The following IGSF10 variants were observed in gnomAD, a reference collection of about 807,000 sequenced individuals.
IGSF10 encodes the protein immunoglobulin superfamily member 10.
In IGSF10, 126 loss-of-function variants were observed where a neutral mutation model predicts 128.2. The ratio of observed to expected loss-of-function variants is 0.98; its 90% CI spans 0.85 to 1.14. IGSF10 has a LOEUF of 1.14. IGSF10 is among the 50% of genes most tolerant of loss of function. The probability of loss-of-function intolerance (pLI) is 0.00; values close to 1 mark genes in which losing one functional copy is unlikely to be tolerated. For synonymous variants in IGSF10, 1,185 were observed against 1,146.2 expected, an observed-to-expected ratio of 1.03 and a Z score of -0.68; for missense variants, 3,295 against 3,149.8, an observed-to-expected ratio of 1.05 and a Z score of -1.10.
chr3:151,443,734 A>C lies in IGSF10; in HGVS notation c.5213T>G (p.Leu1738Trp). 6.2e-7 allele frequency: 1 copy of C among 1,614,168 alleles called. No homozygotes were observed. The change falls in exon 7 of 8, where the codon TTG (leucine) becomes TGG (tryptophan). Residue 1738 changes from leucine (L) to tryptophan (W), a missense_variant. Physicochemically the swap from Leu to Trp is moderately conservative, Grantham distance 61. Coordinates refer to ENST00000282466, the MANE Select transcript of IGSF10 (RefSeq NM_178822.5). ...CCTGGGAGGATAGGAAACCACAGAC[A>C]AGGTGACATGAAGGTGGTCTGTGCC... ...LFGTDHLHVT[L>W]SVVSYPPRIL...
the IGSF10 span, among the ~76,000 whole-genome samples, chr3:151,612,744 T>G: frequency 1.3e-5 from 2 of 152,162 alleles, no homozygotes; most frequent in Non-Finnish European, 2.9e-5. Context: ...AGACCAAAAA[T>G]TCTCAATGAG....
chr3:151,446,273 A>G lies in IGSF10; in HGVS notation c.3708T>C (p.Pro1236=). The change falls in exon 6 of 8, where the codon CCT becomes CCC. Residue 1236 remains proline, a synonymous_variant. Coordinates refer to ENST00000282466, the MANE Select transcript of IGSF10 (RefSeq NM_178822.5). The part of the protein sequence containing the change: ...SLQKSTAVML[P]KTSPALPRDK... ...CTCTGGGTAAAGCAGGAGATGTTTT[A>G]GGAAGCATCACAGCTGTGCTTTTTT... 6.2e-7 allele frequency: 1 copy of G among 1,614,080 alleles called. No individual in the cohort carries two copies. The highest frequency in any genetic ancestry group is 1.1e-5 in the South Asian group (1 of 91,084).
chr3:151,619,005 A>T, the IGSF10 span, among the ~76,000 whole-genome samples: 2 of 151,548 alleles, frequency 1.3e-5, no homozygotes, highest in Admixed American at 1.3e-4. Flanking sequence ...ATAGTAAGAA[A>T]CTATAAATAA....
the IGSF10 span, among the ~76,000 whole-genome samples, chr3:151,548,934 C>A: frequency 6.6e-6 from 1 of 151,780 alleles, no homozygotes; most frequent in African/African-American, 2.4e-5. Context: ...TTATTAAGGG[C>A]ATTTTGTTCT....
chr3:151,527,478 T>C, the IGSF10 span, among the ~76,000 whole-genome samples: 1 of 152,234 alleles, frequency 6.6e-6, no homozygotes, highest in African/African-American at 2.4e-5. Flanking sequence ...CCATAAATAC[T>C]TTTTGACTTA....
the IGSF10 span, among the ~76,000 whole-genome samples, chr3:151,592,221 T>TACACACACACACAC: frequency 6.7e-6 from 1 of 150,338 alleles, no homozygotes; most frequent in African/African-American, 2.5e-5. Context: ...TTGAGATTAA[T>TACACACACACACAC]ACACACACAC....
chr3:151,509,500 G>C, the IGSF10 span, among the ~76,000 whole-genome samples: 3,503 of 152,300 alleles, frequency 0.023, 98 homozygotes, highest in East Asian at 0.063. Context: ...TGGGGGTAGA[G>C]CCAAGATGGC....
At chr3:151,522,578 A>G in the IGSF10 span, among the ~76,000 whole-genome samples, 3 of 152,276 alleles carry the variant, frequency 2.0e-5, no homozygotes, top group South Asian at 6.2e-4. Flanking sequence ...AAACAGAACT[A>G]AAAGTAAAAA....
At chr3:151,554,650 A>G in the IGSF10 span, among the ~76,000 whole-genome samples, 29 of 152,118 alleles carry the variant, frequency 1.9e-4, no homozygotes, top group Admixed American at 1.7e-3. Flanking sequence ...GATGTTCCAT[A>G]TTTTGTCAGA....
the IGSF10 span, among the ~76,000 whole-genome samples, chr3:151,589,606 TGAGGAAGCAGAGTG>T: frequency 2.0e-5 from 3 of 152,214 alleles, no homozygotes; most frequent in Admixed American, 1.3e-4. Flanking sequence ...GTCTGCGACT[TGAGGAAGCAGAGTG>T]TGCTCTCTTA....
At chr3:151,528,810 T>C in the IGSF10 span, among the ~76,000 whole-genome samples, 1 of 152,066 alleles carries the variant, frequency 6.6e-6, no homozygotes, top group East Asian at 1.9e-4. Context: ...GTTTTTTTTT[T>C]TTTTTTTCAT....
chr3:151,582,307 G>GGGA, the IGSF10 span, among the ~76,000 whole-genome samples: 1 of 63,378 alleles, frequency 1.6e-5, no homozygotes, highest in Non-Finnish European at 2.9e-5. Context: ...GGGGGGGCGG[G>GGGA]AAGCACAAAT....
chr3:151,478,475 T>G, the IGSF10 span, among the ~76,000 whole-genome samples: 1 of 152,232 alleles, frequency 6.6e-6, no homozygotes, highest in Non-Finnish European at 1.5e-5. Flanking sequence ...TTGTGTAATT[T>G]GGAGTTTCTT....
the IGSF10 span, among the ~76,000 whole-genome samples, chr3:151,601,584 G>T: frequency 6.6e-6 from 1 of 152,266 alleles, no homozygotes; most frequent in East Asian, 1.9e-4. Context: ...TTTACTTGGG[G>T]CCTGTGTTCT....
At chr3:151,434,709 A>G (rs940317783), downstream of IGSF10, 1 of 152,214 alleles carries the variant, frequency 6.6e-6, no homozygotes, top group Non-Finnish European at 1.5e-5. Context: ...TTCCATCATT[A>G]TTTCTTTCCA....
chr3:151,607,571 T>C, the IGSF10 span, among the ~76,000 whole-genome samples: 9 of 152,192 alleles, frequency 5.9e-5, no homozygotes, highest in East Asian at 7.7e-4. Flanking sequence ...TTAAAAAGTA[T>C]GTAATTAACT....
At chr3:151,478,102 C>T in the IGSF10 span, among the ~76,000 whole-genome samples, 2 of 152,144 alleles carry the variant, frequency 1.3e-5, no homozygotes, top group African/African-American at 4.8e-5. Context: ...GCCCCCACAC[C>T]CTCAGGCAGC....
At chr3:151,617,260 C>CTCCTCTTCT in the IGSF10 span, among the ~76,000 whole-genome samples, 3 of 55,688 alleles carry the variant, frequency 5.4e-5, no homozygotes, top group East Asian at 6.9e-4. Flanking sequence ...TCTTCTCCTT[C>CTCCTCTTCT]TCTTCTTCTT....
the IGSF10 span, among the ~76,000 whole-genome samples, chr3:151,508,714 G>C: frequency 6.6e-6 from 1 of 152,020 alleles, no homozygotes; most frequent in Non-Finnish European, 1.5e-5. Flanking sequence ...CTAACTTTGG[G>C]ATGCTTCAGA....
Sources: allele counts gnomAD v4.1 joint callset (sites outside exome capture counted in the v4.1 genomes callset), GRCh38; gene constraint gnomAD v4.1.1; transcripts MANE v1.5; gene names NCBI Gene and HGNC (gene_info 2026-07-23, HGNC 2026-07-21).